Variants in MAD1L1 observed in about 807,000 individuals in gnomAD.
MAD1L1 encodes mitotic arrest deficient 1 like 1.
Under a neutral mutation model 96.9 loss-of-function variants are expected in MAD1L1, and 95 were observed. The observed-to-expected ratio is 0.98, with a 90% CI of 0.83 to 1.16. The LOEUF (loss-of-function observed/expected upper bound fraction) is 1.16. Ranked by LOEUF, MAD1L1 falls within the 50% of genes most tolerant of loss-of-function variation. MAD1L1 has a pLI of 0.00. For missense variants in MAD1L1, 1,007 were observed against 954.4 expected (o/e 1.06, Z -0.73); for synonymous variants, 473 against 396.6 (o/e 1.19, Z -2.29).
chr7:2,130,029 C>A (rs1219017119), intron 11 of MAD1L1, among the ~76,000 whole-genome samples: 1 of 152,266 alleles, frequency 6.6e-6, no homozygotes, highest in African/African-American at 2.4e-5. Flanking sequence ...AGCACCTGGG[C>A]AGGCAGACAG....
rs200811813 is a variant in MAD1L1 at position 1,936,765 on chromosome 7, C to T, written c.1729G>A (p.Ala577Thr). The change falls in exon 17 of 19, where the codon GCC (alanine) becomes ACC (threonine). Residue 577 changes from alanine (A) to threonine (T), a missense_variant. Ala to Thr is a moderately conservative substitution (Grantham distance 58, BLOSUM62 0). Transcript: ENST00000265854. ...ECERLRGLLR[A>T]MERGGTVPAD... ...GGGACGGTGCCTCCTCTCTCCATGG[C>T]GCGCAGGAGCCCGCGCAGTCGCTCG... 1.1e-4 allele frequency: 176 copies of T among 1,571,646 alleles called. No homozygotes were observed. The highest frequency in any genetic ancestry group is 1.4e-4 in the Non-Finnish European group (157 of 1,159,786).
At chr7:2,147,443 G>A (rs867311323) in intron 11 of MAD1L1, among the ~76,000 whole-genome samples, 2 of 152,262 alleles carry the variant, frequency 1.3e-5, no homozygotes, top group Non-Finnish European at 2.9e-5. Context: ...ACAGAAGCCA[G>A]CATACAGACA....
At chr7:1,951,047 T>C (rs62442925) in intron 16 of MAD1L1, among the ~76,000 whole-genome samples, 2,464 of 152,336 alleles carry the variant, frequency 0.016, 34 homozygotes, top group Middle Eastern at 0.031. Flanking sequence ...GTCCTCCTCC[T>C]CCTTCCCAGA....
chr7:1,973,488 G>A lies in MAD1L1; in HGVS notation c.1505+6965C>T, dbSNP rs201511199. The stretch of plus-strand genomic sequence containing the variant: ...CACTCACGAGGGCCACGGAAGGGTG[G>A]ATGCGAGCTGGGCCCCTACAGTGGG... On this transcript the variant is annotated intron_variant, in intron 15 of 18. Coordinates refer to ENST00000265854, the MANE Select transcript of MAD1L1 (RefSeq NM_001013836.2). 5.9e-5 allele frequency among the ~76,000 whole-genome samples: 9 copies of A among 152,164 alleles called. No homozygotes were observed. The East Asian group carries it at 1.7e-3, about 29-fold the overall frequency.
intron 11 of MAD1L1, among the ~76,000 whole-genome samples, chr7:2,139,057 C>T (rs889786038): frequency 3.3e-5 from 5 of 152,258 alleles, no homozygotes; most frequent in Non-Finnish European, 5.9e-5. Flanking sequence ...TCAGCAGACG[C>T]CCCGGTACCG....
chr7:1,972,353 A>G (rs1190017167), intron 15 of MAD1L1, among the ~76,000 whole-genome samples: 1 of 152,204 alleles, frequency 6.6e-6, no homozygotes. Flanking sequence ...TCGCATCTTT[A>G]TGACTTCAAT....
intron 17 of MAD1L1, among the ~76,000 whole-genome samples, chr7:1,927,762 T>C (rs1477779518): frequency 6.6e-6 from 1 of 152,184 alleles, no homozygotes; most frequent in Non-Finnish European, 1.5e-5. Context: ...ATGTTTGGCC[T>C]GGAGTTATGC....
At chr7:1,872,166 C>T (rs967398675) in intron 18 of MAD1L1, among the ~76,000 whole-genome samples, 1 of 152,224 alleles carries the variant, frequency 6.6e-6, no homozygotes, top group African/African-American at 2.4e-5. Context: ...GAGGCTGACA[C>T]CTACCCCGCA....
intron 14 of MAD1L1, among the ~76,000 whole-genome samples, chr7:1,983,253 T>C (rs993535018): frequency 1.3e-5 from 2 of 152,072 alleles, no homozygotes; most frequent in African/African-American, 4.8e-5. Context: ...TCCCCTCCTT[T>C]TCCCACAGTC....
intron 12 of MAD1L1, among the ~76,000 whole-genome samples, chr7:2,053,381 T>G (rs1424167008): frequency 6.6e-6 from 1 of 152,094 alleles, no homozygotes; most frequent in African/African-American, 2.4e-5. Context: ...GCACCTCCTG[T>G]AGGTGAAGGA....
intron 10 of MAD1L1, among the ~76,000 whole-genome samples, chr7:2,178,875 C>T (rs1373641186): frequency 4.1e-5 from 6 of 145,740 alleles, no homozygotes; most frequent in Non-Finnish European, 7.5e-5. Flanking sequence ...TCAGCCTAGG[C>T]GACACAGAGT....
At chr7:2,033,922 C>G (rs541354391) in intron 12 of MAD1L1, among the ~76,000 whole-genome samples, 2 of 152,302 alleles carry the variant, frequency 1.3e-5, no homozygotes, top group Admixed American at 1.3e-4. Flanking sequence ...GAGACCCCAT[C>G]TCTACAAAAA....
At chr7:1,887,203 C>A (rs1006195741) in intron 18 of MAD1L1, among the ~76,000 whole-genome samples, 1 of 152,222 alleles carries the variant, frequency 6.6e-6, no homozygotes, top group African/African-American at 2.4e-5. Flanking sequence ...GAGACAGAGG[C>A]CAACTGTGAG....
chr7:2,165,158 C>T (rs1790363657), intron 10 of MAD1L1, among the ~76,000 whole-genome samples: 3 of 151,086 alleles, frequency 2.0e-5, no homozygotes, highest in East Asian at 2.0e-4. Context: ...GAGCCGAGAT[C>T]GCACCATTGC....
chr7:2,045,709 C>T (rs1003655685), intron 12 of MAD1L1, among the ~76,000 whole-genome samples: 1 of 148,000 alleles, frequency 6.8e-6, no homozygotes, highest in African/African-American at 2.5e-5. Context: ...AAAAGTCTAA[C>T]AGGATTCCTT....
At chr7:2,198,253 G>A (rs1393114449) in intron 10 of MAD1L1, among the ~76,000 whole-genome samples, 7 of 152,152 alleles carry the variant, frequency 4.6e-5, no homozygotes, top group Non-Finnish European at 7.4e-5. Flanking sequence ...AAGGCACCCA[G>A]CCCAGCGTGG....
At chr7:1,882,393 T>C (rs1039503465) in intron 18 of MAD1L1, among the ~76,000 whole-genome samples, 5 of 152,182 alleles carry the variant, frequency 3.3e-5, no homozygotes, top group Admixed American at 2.6e-4. Flanking sequence ...AATTAAGCTG[T>C]CTGTGTAGAC....
At chr7:1,906,136 C>T (rs1232787665) in intron 17 of MAD1L1, among the ~76,000 whole-genome samples, 1 of 152,098 alleles carries the variant, frequency 6.6e-6, no homozygotes, top group African/African-American at 2.4e-5. Flanking sequence ...CTGAGGAGAC[C>T]AGCCCCTGCA....
intron 18 of MAD1L1, among the ~76,000 whole-genome samples, chr7:1,856,102 G>A (rs1295461344): frequency 1.3e-5 from 2 of 152,176 alleles, no homozygotes; most frequent in Admixed American, 6.5e-5. Context: ...CCCTCATCTT[G>A]GGCGTTAGAA....
Sources: gnomAD v4.1 joint callset for allele counts (sites outside exome capture counted in the v4.1 genomes callset) on GRCh38, gnomAD v4.1.1 for gene constraint, MANE v1.5 for transcripts, NCBI Gene and HGNC (gene_info 2026-07-23, HGNC 2026-07-21) for gene names.